MYH13: variants seen among roughly 807,000 people sequenced by gnomAD.
The protein encoded by MYH13 is myosin-13.
Under a neutral mutation model 232.1 loss-of-function variants are expected in MYH13, and 177 were observed. The ratio of observed to expected loss-of-function variants is 0.76; its 90% confidence interval spans 0.67 to 0.86. The LOEUF (loss-of-function observed/expected upper bound fraction) is 0.86, where lower values mean the gene tolerates loss of function less well. Among genes scored for constraint, MYH13 ranks in the 40% least tolerant of loss-of-function variants. MYH13 has a pLI of 0.00. For missense variants in MYH13, 2,246 were observed against 2,405.9 expected (o/e 0.93, Z 1.39); for synonymous variants, 884 against 923.5 (o/e 0.96, Z 0.78).
chr17:10,325,563 C>T (rs113066912), intron 22 of MYH13, among the ~76,000 whole-genome samples: 20 of 152,220 alleles, frequency 1.3e-4, no homozygotes, highest in African/African-American at 4.3e-4. Flanking sequence ...CCCAAGAATT[C>T]GTGATTGAAT....
At position 10,306,485 on chromosome 17, in the gene MYH13, T is replaced by A. The variant is rs778373927; in HGVS notation, c.5440A>T (p.Lys1814Ter). ...AEQLALKGGK[K>*]QIQKLENRVR... Reference sequence around the variant, plus strand: ...CGGTTCTCCAGTTTCTGGATCTGCTTCTTCCCGCCCTTCAGCGCCAGTTGT... The same window carrying A: ...CGGTTCTCCAGTTTCTGGATCTGCTACTTCCCGCCCTTCAGCGCCAGTTGT... Residue 1814 changes from lysine (K) to a stop codon, truncating the protein, a stop_gained, in exon 37 of 41, where the codon AAG becomes TAG. Coordinates refer to ENST00000252172, the MANE Select transcript of MYH13 (RefSeq NM_003802.3). LOFTEE classifies it high-confidence loss of function. This position sits in a 1 kb window ranked among gnomAD's most constrained non-coding sequence, Gnocchi z 4.3. 6.2e-7 allele frequency: 1 copy of A among 1,614,116 alleles called. No individual in the cohort carries two copies. The highest frequency in any genetic ancestry group is 8.5e-7 in the Non-Finnish European group (1 of 1,180,014).
At chr17:10,339,121 C>T (rs756362756) in intron 18 of MYH13, among the ~76,000 whole-genome samples, 1 of 151,762 alleles carries the variant, frequency 6.6e-6, no homozygotes, top group South Asian at 2.1e-4. Context: ...CCTCTGTTCA[C>T]TCATAATGTT....
At chr17:10,320,542 G>C in intron 24 of MYH13, 46 bp from the exon 25 acceptor site, 14 of 1,576,822 alleles carry the variant, frequency 8.9e-6, no homozygotes, top group Non-Finnish European at 1.2e-5. Flanking sequence ...CTGGGGAAGT[G>C]TTTGCCCCGT....
intron 39 of MYH13, among the ~76,000 whole-genome samples, chr17:10,302,242 C>T (rs1906119644): frequency 6.6e-6 from 1 of 152,096 alleles, no homozygotes; most frequent in Admixed American, 6.5e-5. Flanking sequence ...AAATCTGCTT[C>T]CCTGAGGTCA....
chr17:10,352,914 G>A (rs2071721280), intron 11 of MYH13, among the ~76,000 whole-genome samples: 1 of 152,152 alleles, frequency 6.6e-6, no homozygotes, highest in African/African-American at 2.4e-5. Flanking sequence ...GTATATTCTT[G>A]TAACAAATAG....
At chr17:10,370,687 A>G (rs2071871469) in intron 2 of MYH13, among the ~76,000 whole-genome samples, 1 of 152,230 alleles carries the variant, frequency 6.6e-6, no homozygotes, top group South Asian at 2.1e-4. Flanking sequence ...TCATGATTCA[A>G]TGACAGCTTG....
intron 2 of MYH13, among the ~76,000 whole-genome samples, chr17:10,369,057 A>G (rs1002102566): frequency 2.6e-5 from 4 of 152,182 alleles, no homozygotes; most frequent in South Asian, 2.1e-4. Context: ...CTTGTACACA[A>G]AATAATTTTA....
chr17:10,321,317 T>C (rs908721838), intron 24 of MYH13, among the ~76,000 whole-genome samples: 13 of 152,288 alleles, frequency 8.5e-5, no homozygotes, highest in African/African-American at 2.9e-4. Flanking sequence ...GCTATTTACA[T>C]CGCCATTTCA....
intron 2 of MYH13, among the ~76,000 whole-genome samples, chr17:10,364,789 G>A (rs2142150205): frequency 6.6e-6 from 1 of 152,044 alleles, no homozygotes; most frequent in African/African-American, 2.4e-5. Flanking sequence ...TCGATTTTGG[G>A]AATATTTTAG....
At position 10,354,886 on chromosome 17, in the gene MYH13, A is replaced by G. The variant is rs1395398917; in HGVS notation, c.901+9T>C. ...TTTGGAACATAAGAAAGGTATTCCAAGAGCTTACCAATTAGTTCTGGCTTC... is the reference window on the plus strand; with the variant it reads ...TTTGGAACATAAGAAAGGTATTCCAGGAGCTTACCAATTAGTTCTGGCTTC... On this transcript the variant is annotated intron_variant, in intron 10 of 40. Transcript: ENST00000252172. 1 of 1,594,202 alleles carries G rather than the reference A, an allele frequency of 6.3e-7. No individual in the cohort carries two copies.
Position 10,306,953 on chromosome 17 carries a change from T to C in MYH13, c.5281A>G (p.Lys1761Glu), listed in dbSNP as rs747245672. Residue 1761 changes from lysine (K) to glutamate (E), a missense_variant, in exon 36 of 41, where the codon AAG becomes GAG. Lys to Glu is a moderately conservative substitution (Grantham distance 56). Transcript: ENST00000252172. The surrounding 1 kb of genome is among the most constrained non-coding windows in gnomAD (Gnocchi z 4.3). ...ESRNAEEKAK[K>E]AITDAAMMAE... ...ACAGAGCTCACATCCGTGATGGCCT[T>C]CTTGGCCTTCTCCTCTGCGTTCCTG... 4 of 1,613,754 alleles carry C rather than the reference T, an allele frequency of 2.5e-6. No individual in the cohort carries two copies. The Admixed American group carries it at 6.7e-5, about 27-fold the overall frequency.
chr17:10,338,862 A>G lies in MYH13; in HGVS notation c.2056+1288T>C, dbSNP rs555067091. 3.3e-3 allele frequency among the ~76,000 whole-genome samples: 495 copies of G among 151,916 alleles called. 2 individuals carry two copies. Among genetic ancestry groups the G allele is most frequent in the African/African-American group, 0.011 (448 of 41,430 alleles). ...ACTACAGGCGCCCGCCACCACGCCC[A>G]GCTAATTTGTTTGCATTTTTAGTAG... is the stretch of plus-strand genomic sequence containing the variant. On this transcript the variant is annotated intron_variant, in intron 18 of 40. Coordinates refer to ENST00000252172, the MANE Select transcript of MYH13 (RefSeq NM_003802.3).
At chr17:10,366,081 C>T (rs535663940) in intron 2 of MYH13, among the ~76,000 whole-genome samples, 1 of 152,168 alleles carries the variant, frequency 6.6e-6, no homozygotes, top group Admixed American at 6.5e-5. Context: ...CACTTAAGCT[C>T]TCTGGTCCAC....
chr17:10,307,431 G>T (rs1427976216), intron 35 of MYH13, among the ~76,000 whole-genome samples: 1 of 151,926 alleles, frequency 6.6e-6, no homozygotes, highest in Non-Finnish European at 1.5e-5. Context: ...AATTGTAAGG[G>T]GTGACGACAA....
intron 29 of MYH13, among the ~76,000 whole-genome samples, chr17:10,313,882 A>G (rs1239570964): frequency 6.6e-6 from 1 of 152,192 alleles, no homozygotes; most frequent in Non-Finnish European, 1.5e-5. Flanking sequence ...TGATGTCACC[A>G]CTGGGCTATG....
At chr17:10,330,066 C>G (rs182737871) in intron 21 of MYH13, among the ~76,000 whole-genome samples, 1 of 152,086 alleles carries the variant, frequency 6.6e-6, no homozygotes, top group Non-Finnish European at 1.5e-5. Flanking sequence ...AACTCCAACC[C>G]CCTAATCAGG....
In MYH13 at chr17:10,321,683, G is replaced by A; in HGVS notation, c.2960C>T (p.Thr987Ile). ...TTTGGAAATGTTTTCTTCAAGTGCT[G>A]TCATTTCTTCGGAAAGATTCTTTAC... ...NKVKNLSEEMTALEENISKLT... is the reference protein window; with the variant it reads ...NKVKNLSEEMIALEENISKLT... The change falls in exon 24 of 41, where the codon ACA becomes ATA. Residue 987 changes from threonine (T) to isoleucine (I), a missense_variant. Thr to Ile is a moderately conservative substitution (Grantham distance 89). Transcript: ENST00000252172. The A allele has an allele frequency of 6.2e-7, 1 of 1,613,014 alleles. No individual in the cohort carries two copies. Among genetic ancestry groups the A allele is most frequent in the South Asian group, 1.1e-5 (1 of 90,868 alleles).
chr17:10,360,262 G>T (rs879240683), intron 5 of MYH13, 74 bp from the exon 6 acceptor site: 18 of 1,522,712 alleles, frequency 1.2e-5, no homozygotes, highest in Admixed American at 1.9e-5. Context: ...AACATTGGGG[G>T]TGGTTGGAGA....
chr17:10,361,265 A>T (rs1221739458), intron 5 of MYH13, among the ~76,000 whole-genome samples: 1 of 151,936 alleles, frequency 6.6e-6, no homozygotes, highest in Non-Finnish European at 1.5e-5. Flanking sequence ...TTAAGCATCT[A>T]CAGGTCTCAG....
Sources: gnomAD v4.1 joint callset for allele counts (sites outside exome capture counted in the v4.1 genomes callset) on GRCh38, gnomAD v4.1.1 for gene constraint, Gnocchi (gnomAD v3.1) non-coding constraint, MANE v1.5 for transcripts, NCBI Gene and HGNC (gene_info 2026-07-23, HGNC 2026-07-21) for gene names.